Variants in CFH observed in about 807,000 individuals in gnomAD.
The protein encoded by CFH is complement factor H, also known as H factor 1 (complement).
CFH carries 53 observed loss-of-function variants against 147.3 expected under a neutral mutation model. The observed-to-expected ratio is 0.36, with a 90% CI of 0.29 to 0.45. The LOEUF (loss-of-function observed/expected upper bound fraction) is 0.45, where lower values mean the gene tolerates loss of function less well. Ranked by LOEUF, CFH falls within the 20% of genes least tolerant of loss-of-function variation. CFH has a pLI of 1.00. For synonymous variants in CFH, 536 were observed against 489.4 expected (o/e 1.10, Z -1.26); for missense variants, 1,380 against 1,498.0 (o/e 0.92, Z 1.30).
intron 12 of CFH, among the ~76,000 whole-genome samples, chr1:196,725,861 T>C (rs930477324): frequency 2.0e-5 from 3 of 152,060 alleles, no homozygotes; most frequent in African/African-American, 7.2e-5. Context: ...GATCCAAACA[T>C]CTCCCATTAG....
intron 6 of CFH, 131 bp downstream of exon 6, chr1:196,679,924 A>G: frequency 1.2e-6 from 1 of 853,340 alleles, no homozygotes; most frequent in East Asian, 2.8e-5. Context: ...TAAAAAACAT[A>G]TAGCATTTTC....
At chr1:196,692,720 C>G (rs926172257) in intron 9 of CFH, among the ~76,000 whole-genome samples, 3 of 136,842 alleles carry the variant, frequency 2.2e-5, no homozygotes, top group Non-Finnish European at 3.2e-5. Flanking sequence ...TTCTTTCTTT[C>G]TTTCTTTCTC....
intron 1 of CFH, among the ~76,000 whole-genome samples, chr1:196,670,426 G>A (rs1001123532): frequency 6.6e-6 from 1 of 152,126 alleles, no homozygotes; most frequent in Non-Finnish European, 1.5e-5. Flanking sequence ...TGTGTGTTGA[G>A]GGAAGGACCC....
chr1:196,710,180 G>GC (rs1668692595), intron 9 of CFH, among the ~76,000 whole-genome samples: 2 of 152,008 alleles, frequency 1.3e-5, no homozygotes, highest in African/African-American at 4.8e-5. Flanking sequence ...AAATTTTCTA[G>GC]CCCGTCACCC....
rs779180517 is a variant in CFH at position 196,728,378 on chromosome 1, A to G, written c.2269A>G (p.Asn757Asp). 6.4e-7 allele frequency: 1 copy of G among 1,572,068 alleles called. No individual in the cohort carries two copies. Among genetic ancestry groups the G allele is most frequent in the South Asian group, 1.2e-5 (1 of 85,720 alleles). ...TAAACTTAAGAAGTGCAAATCATCA[A>G]ATTTAATTATACTTGAGGAACATTT... ...IDKLKKCKSSNLIILEEHLKN... is the reference protein window; with the variant it reads ...IDKLKKCKSSDLIILEEHLKN... The change falls in exon 15 of 22, where the codon AAT (asparagine) becomes GAT (aspartate). Residue 757 changes from asparagine (N) to aspartate (D), a missense_variant. By Grantham distance (23) the Asn-to-Asp change is conservative. This residue lies in a region of CFH where 830 missense variants were observed against 821.4 expected (regional missense o/e 1.01). Coordinates refer to ENST00000367429, the MANE Select transcript of CFH (RefSeq NM_000186.4).
intron 1 of CFH, among the ~76,000 whole-genome samples, chr1:196,662,522 T>C (rs1415797441): frequency 1.3e-5 from 2 of 152,216 alleles, no homozygotes; most frequent in Non-Finnish European, 2.9e-5. Context: ...AGGATCAGTT[T>C]CAGTTTTCTG....
At chr1:196,689,961 G>A in intron 8 of CFH, 102 bp from the exon 9 acceptor site, 3 of 1,280,000 alleles carry the variant, frequency 2.3e-6, no homozygotes, top group Non-Finnish European at 3.2e-6. Flanking sequence ...GGATGTTTAT[G>A]CAATCTTATT....
chr1:196,745,086 G>C (rs181343241), intron 20 of CFH, among the ~76,000 whole-genome samples: 6 of 152,130 alleles, frequency 3.9e-5, no homozygotes, highest in Non-Finnish European at 8.8e-5. Context: ...TTGTCTAGTT[G>C]CTTTCAAGGT....
chr1:196,743,478 G>A lies in CFH; in HGVS notation c.3160G>A (p.Val1054Ile), dbSNP rs757426928. ...CACCTCCTGTGTGAATCCGCCCACA[G>A]TACAAAATGCTTATATAGTGTCGAG... ...RDTSCVNPPT[V>I]QNAYIVSRQM... Residue 1054 changes from valine to isoleucine, a missense_variant, in exon 20 of 22, where the codon GTA (valine) becomes ATA (isoleucine). Val to Ile is a conservative substitution (Grantham distance 29). This residue lies in a region of CFH where 830 missense variants were observed against 821.4 expected (regional missense o/e 1.01). Transcript: ENST00000367429. The A allele has an allele frequency of 4.3e-5, 69 of 1,613,788 alleles. No individual in the cohort carries two copies. Among genetic ancestry groups the A allele is most frequent in the South Asian group, 3.0e-4 (27 of 90,920 alleles).
At chr1:196,738,809 G>A (rs1449856840) in intron 17 of CFH, among the ~76,000 whole-genome samples, 1 of 152,204 alleles carries the variant, frequency 6.6e-6, no homozygotes, top group Non-Finnish European at 1.5e-5. Context: ...ACAAGGCAGT[G>A]CCTCAGTGGG....
intron 9 of CFH, among the ~76,000 whole-genome samples, chr1:196,710,097 G>T (rs1668690323): frequency 6.6e-6 from 1 of 151,998 alleles, no homozygotes; most frequent in African/African-American, 2.4e-5. Context: ...CCAGCAAAAA[G>T]CTGACTCAGG....
intron 9 of CFH, among the ~76,000 whole-genome samples, chr1:196,707,321 C>T (rs1262353866): frequency 6.6e-6 from 1 of 152,136 alleles, no homozygotes; most frequent in Non-Finnish European, 1.5e-5. Flanking sequence ...GTTACCTTCT[C>T]AGACTAAGGA....
At chr1:196,746,090 A>G in intron 21 of CFH, 91 bp downstream of exon 21, 2 of 1,600,296 alleles carry the variant, frequency 1.2e-6, no homozygotes, top group Non-Finnish European at 1.7e-6. Context: ...AGATTATTGA[A>G]CAACCATTCT....
chr1:196,689,877 T>C (rs568951225), intron 8 of CFH, among the ~76,000 whole-genome samples, 186 bp from the exon 9 acceptor site: 2 of 152,210 alleles, frequency 1.3e-5, no homozygotes, highest in Admixed American at 1.3e-4. Context: ...ATAAGTAATA[T>C]TGAATATTGA....
chr1:196,733,553 C>T (rs1016358257), intron 15 of CFH, among the ~76,000 whole-genome samples: 2 of 152,084 alleles, frequency 1.3e-5, no homozygotes, highest in African/African-American at 4.8e-5. Flanking sequence ...AACCTTTTCT[C>T]TGCACTGCTC....
intron 12 of CFH, among the ~76,000 whole-genome samples, chr1:196,726,116 A>C (rs551780440): frequency 4.0e-4 from 61 of 152,314 alleles, no homozygotes; most frequent in Admixed American, 3.7e-3. Context: ...GTCAAACTTT[A>C]TGTTGATCAA....
At chr1:196,677,795 G>A in intron 5 of CFH, 128 bp downstream of exon 5, 1 of 875,768 alleles carries the variant, frequency 1.1e-6, no homozygotes, top group Non-Finnish European at 1.9e-6. Flanking sequence ...CTTACTATCT[G>A]CCTGTAATTG....
At chr1:196,679,137 A>AT (rs200429765) in intron 5 of CFH, 33,420 of 148,810 alleles carry the variant, frequency 0.22, 4,429 homozygotes, top group East Asian at 0.53. Flanking sequence ...GATGATGGCC[A>AT]TTTTTTTTTT....
chr1:196,708,601 T>C (rs1365577456), intron 9 of CFH, among the ~76,000 whole-genome samples: 1 of 107,916 alleles, frequency 9.3e-6, no homozygotes, highest in Non-Finnish European at 1.9e-5. Flanking sequence ...TCCATTTGTC[T>C]ATATTCCCCA....
Sources: allele counts gnomAD v4.1 joint callset (sites outside exome capture counted in the v4.1 genomes callset), GRCh38; gene constraint gnomAD v4.1.1; regional missense constraint gnomAD v4.1.1; transcripts MANE v1.5; gene names NCBI Gene and HGNC (gene_info 2026-07-23, HGNC 2026-07-21).